The following HVCN1 variants were observed in gnomAD, a reference collection of about 807,000 sequenced individuals.
HVCN1 encodes hydrogen voltage gated channel 1.
Under a neutral mutation model 29.2 loss-of-function variants are expected in HVCN1, and 14 were observed. The observed-to-expected ratio is 0.48, with a 90% CI of 0.32 to 0.75. HVCN1 has a LOEUF of 0.75. Among genes scored for constraint, HVCN1 ranks in the 30% least tolerant of loss-of-function variants. The pLI is 0.04. For missense variants in HVCN1, 263 were observed against 341.8 expected (o/e 0.77, Z 1.82); for synonymous variants, 131 against 133.2 (o/e 0.98, Z 0.11).
intron 5 of HVCN1, among the ~76,000 whole-genome samples, chr12:110,654,467 A>T (rs2067918318): frequency 6.8e-6 from 1 of 147,972 alleles, no homozygotes. Flanking sequence ...ATGGGGGGGA[A>T]ATGCTTTTTT....
At chr12:110,653,774 G>A (rs1383896048) in intron 5 of HVCN1, among the ~76,000 whole-genome samples, 10 of 151,580 alleles carry the variant, frequency 6.6e-5, no homozygotes, top group African/African-American at 2.4e-4. Context: ...CTCAGGAGGC[G>A]GACGTTGCAG....
chr12:110,698,713 C>T (rs1185652157), intron 2 of HVCN1, among the ~76,000 whole-genome samples: 1 of 152,252 alleles, frequency 6.6e-6, no homozygotes, highest in Admixed American at 6.5e-5. Flanking sequence ...CTGGACAAGG[C>T]CCAGTGCTGA....
At chr12:110,651,084 G>A (rs971434071) in intron 6 of HVCN1, 133 bp downstream of exon 6, 4 of 639,476 alleles carry the variant, frequency 6.3e-6, no homozygotes, top group African/African-American at 1.8e-5. Flanking sequence ...AGGGAGGTGA[G>A]GGGGCAGAGG....
intron 3 of HVCN1, among the ~76,000 whole-genome samples, chr12:110,674,827 G>A (rs2068694980): frequency 6.6e-6 from 1 of 152,150 alleles, no homozygotes; most frequent in Non-Finnish European, 1.5e-5. Flanking sequence ...TCAGCAGCAT[G>A]AAAACAAATA....
chr12:110,665,428 A>G (rs572358310), intron 3 of HVCN1, among the ~76,000 whole-genome samples: 13 of 151,948 alleles, frequency 8.6e-5, no homozygotes, highest in Admixed American at 5.9e-4. Flanking sequence ...GTGGTGGCAC[A>G]TTCTGTAATC....
intron 3 of HVCN1, among the ~76,000 whole-genome samples, chr12:110,681,150 C>T (rs2068954353): frequency 1.3e-5 from 2 of 152,166 alleles, no homozygotes; most frequent in South Asian, 4.1e-4. Flanking sequence ...CTGGCTGGGC[C>T]TGACAATTGA....
chr12:110,690,603 G>A (rs1231712076), upstream of HVCN1, among the ~76,000 whole-genome samples: 1 of 151,678 alleles, frequency 6.6e-6, no homozygotes, highest in East Asian at 1.9e-4. Context: ...CAAGCCTCCC[G>A]AGTAGCTATG....
chr12:110,680,695 T>A (rs1212153830), intron 3 of HVCN1, among the ~76,000 whole-genome samples: 1 of 152,030 alleles, frequency 6.6e-6, no homozygotes, highest in South Asian at 2.1e-4. Context: ...GGCAGGTGGA[T>A]CACTTGAGGC....
chr12:110,698,280 G>A (rs1010599369), intron 2 of HVCN1, among the ~76,000 whole-genome samples: 66 of 152,230 alleles, frequency 4.3e-4, no homozygotes, highest in African/African-American at 1.5e-3. Flanking sequence ...GATTACAGGC[G>A]TGAGCCTCTA....
chr12:110,683,228 T>G lies in HVCN1; in HGVS notation c.18A>C (p.Glu6Asp), dbSNP rs766179586. 4 of 1,612,574 alleles carry G rather than the reference T, an allele frequency of 2.5e-6. No homozygotes were observed. In the African/African-American group the frequency reaches 5.3e-5, roughly 22 times the overall value. The change falls in exon 3 of 8, where the codon GAA becomes GAC. Residue 6 changes from glutamate to aspartate, a missense_variant. Glu to Asp is a conservative substitution (Grantham distance 45, BLOSUM62 2). Around this residue, in one of 3 missense-constraint regions of HVCN1, gnomAD observed 157 missense variants for 181.3 expected, o/e 0.87. Coordinates refer to ENST00000242607, the MANE Select transcript of HVCN1 (RefSeq NM_032369.4). MATWD[E>D]KAVTRRAKVA... ...GCAAGACCACAGAATCCATTACCTTTTCGTCCCAGGTGGCCATGTCCCTGT... is the reference window on the plus strand; with the variant it reads ...GCAAGACCACAGAATCCATTACCTTGTCGTCCCAGGTGGCCATGTCCCTGT...
chr12:110,701,883 A>AAAC (rs376581552), intron 2 of HVCN1, among the ~76,000 whole-genome samples: 12,870 of 149,718 alleles, frequency 0.086, 519 homozygotes, highest in African/African-American at 0.11. Context: ...AACAAGAACA[A>AAAC]AACAACAACA....
intron 3 of HVCN1, among the ~76,000 whole-genome samples, chr12:110,668,581 A>C (rs1198066448): frequency 1.3e-5 from 2 of 152,088 alleles, no homozygotes; most frequent in Admixed American, 6.6e-5. Context: ...TTCTCTGCCC[A>C]CTGCCTGCCT....
Position 110,648,720 on chromosome 12 carries a change from T to A in HVCN1, c.*690A>T, listed in dbSNP as rs1473770676. 4.0e-6 allele frequency: 1 copy of A among 247,948 alleles called. No individual in the cohort carries two copies. The highest frequency in any genetic ancestry group is 7.8e-6 in the Non-Finnish European group (1 of 127,934). 15.4% of individuals were successfully genotyped at this position (247,948 alleles called of 1,614,324 possible). On this transcript the variant is annotated 3_prime_UTR_variant, in exon 8 of 8. Coordinates refer to ENST00000242607, the MANE Select transcript of HVCN1 (RefSeq NM_032369.4). The stretch of plus-strand genomic sequence containing the variant: ...TTCTGCACCAGGCACTGTAGCTAGC[T>A]TGCTCTCCGACTGGCAGGCTGGTAT...
At chr12:110,675,594 T>C (rs1395053032) in intron 3 of HVCN1, among the ~76,000 whole-genome samples, 1 of 152,142 alleles carries the variant, frequency 6.6e-6, no homozygotes, top group Non-Finnish European at 1.5e-5. Context: ...GATTTTTTTT[T>C]CAGCAACAAA....
In HVCN1 at chr12:110,651,425, G is replaced by A. The variant is rs2067811195; in HGVS notation, c.435C>T (p.Thr145=). ...TCTCCATCATAAAAAAGACCAAGATGGTGATGCTCATGTAGTGGAATACCT... is the reference window on the plus strand; with the variant it reads ...TCTCCATCATAAAAAAGACCAAGATAGTGATGCTCATGTAGTGGAATACCT... The part of the protein sequence containing the change: ...AAMVFHYMSI[T]ILVFFMMEII... Residue 145 remains threonine (T), a synonymous_variant, in exon 6 of 8, where the codon ACC becomes ACT. Coordinates refer to ENST00000242607, the MANE Select transcript of HVCN1 (RefSeq NM_032369.4). 1 of 1,613,106 alleles carries A rather than the reference G, an allele frequency of 6.2e-7. No homozygotes were observed. The highest frequency in any genetic ancestry group is 2.2e-5 in the East Asian group (1 of 44,884).
chr12:110,694,669 A>C (rs749277810), upstream of HVCN1, among the ~76,000 whole-genome samples: 7 of 152,164 alleles, frequency 4.6e-5, no homozygotes, highest in Non-Finnish European at 1.0e-4. This position sits in a 1 kb window ranked among gnomAD's most constrained non-coding sequence, Gnocchi z 4.6. Flanking sequence ...GGGATTTCTT[A>C]GAGTGACATC....
chr12:110,649,605 G>C (rs2067690311), intron 7 of HVCN1, 130 bp from the exon 8 acceptor site: 1 of 708,278 alleles, frequency 1.4e-6, no homozygotes, highest in African/African-American at 1.8e-5. Context: ...GTGGCATTCA[G>C]TCTGCTGAGG....
chr12:110,681,952 G>A (rs1488053735), intron 3 of HVCN1, among the ~76,000 whole-genome samples: 5 of 152,150 alleles, frequency 3.3e-5, no homozygotes, highest in Admixed American at 1.3e-4. Flanking sequence ...CAGGAGGAAA[G>A]CATTTCCTCT....
chr12:110,674,051 T>C (rs1378491002), intron 3 of HVCN1, among the ~76,000 whole-genome samples: 1 of 152,194 alleles, frequency 6.6e-6, no homozygotes, highest in Non-Finnish European at 1.5e-5. Context: ...TGTCAGCTCA[T>C]GAAAGCAGCC....
Sources: gnomAD v4.1 joint callset for allele counts (sites outside exome capture counted in the v4.1 genomes callset) on GRCh38, gnomAD v4.1.1 for gene constraint, gnomAD v4.1.1 regional missense constraint, Gnocchi (gnomAD v3.1) non-coding constraint, MANE v1.5 for transcripts, NCBI Gene and HGNC (gene_info 2026-07-23, HGNC 2026-07-21) for gene names.